NDUFA5: variants seen among roughly 807,000 people sequenced by gnomAD.
NDUFA5 encodes the protein NADH dehydrogenase [ubiquinone] 1 alpha subcomplex subunit 5.
Under a neutral mutation model 19.8 loss-of-function variants are expected in NDUFA5, and 11 were observed. That is an observed-to-expected ratio of 0.56 (90% CI 0.35 to 0.92). The LOEUF (loss-of-function observed/expected upper bound fraction) is 0.92, where lower values mean the gene tolerates loss of function less well. Among genes scored for constraint, NDUFA5 ranks in the 40% least tolerant of loss-of-function variants. NDUFA5 has a pLI of 0.01. For missense variants in NDUFA5, 109 were observed against 134.2 expected (o/e 0.81, Z 0.93); for synonymous variants, 47 against 46.8 (o/e 1.00, Z -0.01).
upstream of NDUFA5, among the ~76,000 whole-genome samples, chr7:123,561,460 T>C (rs900366989): frequency 1.3e-5 from 2 of 152,242 alleles, no homozygotes; most frequent in Non-Finnish European, 2.9e-5. Context: ...GCTCTACTTC[T>C]AATTCTGGTT....
the NDUFA5 span, among the ~76,000 whole-genome samples, chr7:123,578,246 T>A: frequency 6.6e-6 from 1 of 150,944 alleles, no homozygotes; most frequent in Non-Finnish European, 1.5e-5. Context: ...ATATTTTGTA[T>A]CAGTTGGAAA....
At chr7:123,564,274 T>A in the NDUFA5 span, among the ~76,000 whole-genome samples, 1 of 152,214 alleles carries the variant, frequency 6.6e-6, no homozygotes, top group Non-Finnish European at 1.5e-5. Flanking sequence ...CACCACCTAC[T>A]TGACTTCTAT....
intron 4 of NDUFA5, among the ~76,000 whole-genome samples, 192 bp from the exon 5 acceptor site, chr7:123,542,412 A>T (rs1797973306): frequency 6.6e-6 from 1 of 152,172 alleles, no homozygotes; most frequent in African/African-American, 2.4e-5. Context: ...GTAAGAAAGG[A>T]TATCTTTTGT....
upstream of NDUFA5, among the ~76,000 whole-genome samples, chr7:123,561,609 ATT>A (rs34769894): frequency 6.6e-6 from 1 of 150,822 alleles, no homozygotes; most frequent in Non-Finnish European, 1.5e-5. Flanking sequence ...TGAATCACCA[ATT>A]TTTTTTTTGA....
chr7:123,542,343 T>C, intron 4 of NDUFA5, 123 bp from the exon 5 acceptor site: 1 of 627,034 alleles, frequency 1.6e-6, no homozygotes. Context: ...TATTCCACCA[T>C]CAAATGTTGA....
At chr7:123,559,961 T>C (rs1798668894), upstream of NDUFA5, among the ~76,000 whole-genome samples, 2 of 151,174 alleles carry the variant, frequency 1.3e-5, no homozygotes, top group Non-Finnish European at 3.0e-5. Context: ...CAAACCAAAT[T>C]CAGTAGCATA....
chr7:123,552,104 G>T (rs975317198), intron 2 of NDUFA5, among the ~76,000 whole-genome samples: 3 of 151,536 alleles, frequency 2.0e-5, no homozygotes, highest in Admixed American at 6.6e-5. Context: ...AACAAGACAT[G>T]ATCACTCCAG....
chr7:123,590,518 C>A, the NDUFA5 span, among the ~76,000 whole-genome samples: 33 of 152,170 alleles, frequency 2.2e-4, no homozygotes, highest in Non-Finnish European at 4.0e-4. Flanking sequence ...GGAAGGGGTC[C>A]AGTTTCAGCT....
intron 1 of NDUFA5, 36 bp downstream of exon 1, chr7:123,557,739 A>G (rs758866718): frequency 3.1e-5 from 50 of 1,613,768 alleles, no homozygotes; most frequent in Admixed American, 5.0e-5. Flanking sequence ...CTACCCCCAC[A>G]GTCTAAATTC....
the NDUFA5 span, among the ~76,000 whole-genome samples, chr7:123,569,996 A>G: frequency 2.0e-5 from 3 of 151,616 alleles, no homozygotes; most frequent in East Asian, 3.9e-4. Flanking sequence ...AGTCACTGTC[A>G]ACAATACCTA....
the NDUFA5 span, among the ~76,000 whole-genome samples, chr7:123,565,180 T>C: frequency 6.6e-6 from 1 of 152,146 alleles, no homozygotes. Context: ...CAGAAGAATA[T>C]AGATGTCTCA....
the NDUFA5 span, chr7:123,567,127 T>A: frequency 6.6e-6 from 1 of 152,222 alleles, no homozygotes; most frequent in Non-Finnish European, 1.5e-5. Flanking sequence ...AGAAAATGTG[T>A]AGATTTCTGG....
the NDUFA5 span, among the ~76,000 whole-genome samples, chr7:123,595,324 C>T: frequency 6.6e-6 from 1 of 152,154 alleles, no homozygotes; most frequent in Non-Finnish European, 1.5e-5. Context: ...CTGGTTGATC[C>T]CTTCAACATG....
the NDUFA5 span, among the ~76,000 whole-genome samples, chr7:123,579,116 C>T: frequency 1.4e-4 from 21 of 152,010 alleles, no homozygotes; most frequent in South Asian, 3.7e-3. Context: ...TTTATGTCCA[C>T]GTATATCATT....
chr7:123,576,618 C>T, the NDUFA5 span, among the ~76,000 whole-genome samples: 480 of 152,244 alleles, frequency 3.2e-3, 3 homozygotes, highest in Non-Finnish European at 5.3e-3. Flanking sequence ...AGCTCCACAT[C>T]CTCGGCTTCT....
intron 4 of NDUFA5, among the ~76,000 whole-genome samples, chr7:123,545,034 C>A (rs1045431416): frequency 6.6e-6 from 1 of 151,770 alleles, no homozygotes; most frequent in Non-Finnish European, 1.5e-5. Context: ...TTTAAATATT[C>A]TAAATGTAAT....
the NDUFA5 span, among the ~76,000 whole-genome samples, chr7:123,597,923 T>C: frequency 3.0e-5 from 3 of 101,270 alleles, no homozygotes; most frequent in Non-Finnish European, 6.9e-5. Flanking sequence ...ACTTCGTGTG[T>C]GTGTGTGTGT....
the NDUFA5 span, among the ~76,000 whole-genome samples, chr7:123,578,639 A>C: frequency 2.6e-5 from 4 of 151,400 alleles, no homozygotes; most frequent in Non-Finnish European, 4.4e-5. Flanking sequence ...TTAATATCTG[A>C]GCTAATGAGA....
At chr7:123,569,022 G>GT in the NDUFA5 span, among the ~76,000 whole-genome samples, 3 of 152,268 alleles carry the variant, frequency 2.0e-5, no homozygotes, top group East Asian at 5.8e-4. Flanking sequence ...GGATATGAAT[G>GT]TTTTTTAAAA....
Sources: gnomAD v4.1 joint callset for allele counts (sites outside exome capture counted in the v4.1 genomes callset) on GRCh38, gnomAD v4.1.1 for gene constraint, MANE v1.5 for transcripts, NCBI Gene and HGNC (gene_info 2026-07-23, HGNC 2026-07-21) for gene names.